The following RANBP17 variants were observed in gnomAD, a reference collection of about 807,000 sequenced individuals.
RANBP17 encodes ran-binding protein 17.
RANBP17 carries 158 observed loss-of-function variants against 141.2 expected under a neutral mutation model. The ratio of observed to expected loss-of-function variants is 1.12; its 90% CI spans 0.98 to 1.28. The LOEUF (loss-of-function observed/expected upper bound fraction) is 1.28. Ranked by LOEUF, RANBP17 falls within the 50% of genes most tolerant of loss-of-function variation. The pLI is 0.00. For missense variants in RANBP17, 1,438 were observed against 1,290.7 expected, an observed-to-expected ratio of 1.11 and a Z score of -1.75; for synonymous variants, 430 against 450.0, an observed-to-expected ratio of 0.96 and a Z score of 0.56.
chr5:170,884,284 C>T (rs1482824266), intron 3 of RANBP17, among the ~76,000 whole-genome samples: 1 of 152,104 alleles, frequency 6.6e-6, no homozygotes, highest in African/African-American at 2.4e-5. Context: ...ACCCCCTGCG[C>T]AATCAAAAAG....
At chr5:171,191,391 A>G (rs1480826573) in intron 18 of RANBP17, among the ~76,000 whole-genome samples, 3 of 152,168 alleles carry the variant, frequency 2.0e-5, no homozygotes. Context: ...TATCTGTTAG[A>G]AAACTGAGGT....
At position 170,882,538 on chromosome 5, in the gene RANBP17, G is replaced by A. The variant is rs576590106; in HGVS notation, c.256+642G>A. On this transcript the variant is annotated intron_variant, in intron 3 of 27. Coordinates refer to ENST00000523189, the MANE Select transcript of RANBP17 (RefSeq NM_022897.5). ...TGCAGACAGGCTCTGTCACGTGCCC[G>A]AGATCACACAACTAGAAAGTAGTAG... Among the ~76,000 whole-genome samples the A allele has an allele frequency of 6.6e-5, 10 of 150,762 alleles. No homozygotes were observed. The South Asian group carries it at 1.1e-3, about 16-fold the overall frequency.
chr5:171,128,529 C>T (rs1446222036), intron 14 of RANBP17, among the ~76,000 whole-genome samples: 3 of 152,022 alleles, frequency 2.0e-5, no homozygotes, highest in East Asian at 3.9e-4. Context: ...ATGGGATGAA[C>T]CCTCAGAGGG....
chr5:171,041,380 C>CA (rs1727106420), intron 14 of RANBP17, among the ~76,000 whole-genome samples: 1 of 152,060 alleles, frequency 6.6e-6, no homozygotes, highest in African/African-American at 2.4e-5. Context: ...CTACCACCAC[C>CA]AACTTGTGAT....
In RANBP17 at chr5:171,243,820, TC is replaced by T. The variant is rs531517182; in HGVS notation, c.2776+1003del. 3.4e-3 allele frequency among the ~76,000 whole-genome samples: 517 copies of T among 152,228 alleles called. 2 individuals are homozygous for T. The highest frequency in any genetic ancestry group is 5.2e-3 in the Non-Finnish European group (352 of 67,990). Reference sequence around the variant, plus strand: ...CTGGGCGCGGTGGCTCAGCCTGTAATCCCAGCACTTTGGGAGGCTGAGGCGG... The same window carrying T: ...CTGGGCGCGGTGGCTCAGCCTGTAATCCAGCACTTTGGGAGGCTGAGGCGG... On this transcript the variant is annotated intron_variant, in intron 24 of 27. Transcript: ENST00000523189.
intron 1 of RANBP17, among the ~76,000 whole-genome samples, chr5:170,862,829 A>G (rs1766925994): frequency 6.6e-6 from 1 of 152,218 alleles, no homozygotes; most frequent in Admixed American, 6.5e-5. Flanking sequence ...ATAAAGGATG[A>G]CATCTTACTA....
intron 1 of RANBP17, among the ~76,000 whole-genome samples, chr5:170,866,285 G>C (rs944644291): frequency 2.1e-5 from 3 of 144,378 alleles, no homozygotes; most frequent in Non-Finnish European, 4.4e-5. Context: ...TTACTATACA[G>C]GAGGTACAAA....
At chr5:170,899,999 A>G (rs1052956836) in intron 5 of RANBP17, among the ~76,000 whole-genome samples, 2 of 152,136 alleles carry the variant, frequency 1.3e-5, no homozygotes, top group African/African-American at 4.8e-5. Flanking sequence ...TGTCTCTGCC[A>G]GGATTTGGTA....
rs568755316 is a variant in RANBP17 at position 171,213,807 on chromosome 5, C to G, written c.2339+69C>G. 7.8e-5 allele frequency: 96 copies of G among 1,223,196 alleles called. No individual in the cohort carries two copies. The African/African-American group carries it at 1.3e-3, about 16-fold the overall frequency. 75.8% of individuals were successfully genotyped at this position (1,223,196 alleles called of 1,614,324 possible). On this transcript the variant is annotated intron_variant, in intron 21 of 27. Coordinates refer to ENST00000523189, the MANE Select transcript of RANBP17 (RefSeq NM_022897.5). ...CGGAAATCTCCAACAGTCAGACTTT[C>G]TTTTTTGGTTTGTGTCTTTCCAAGG...
chr5:171,202,811 C>T (rs1445231650), intron 19 of RANBP17, among the ~76,000 whole-genome samples: 2 of 152,120 alleles, frequency 1.3e-5, no homozygotes, highest in Admixed American at 6.5e-5. Context: ...AAAGACAAAG[C>T]ACAATGACCC....
chr5:171,185,472 C>G (rs899322307), intron 18 of RANBP17, among the ~76,000 whole-genome samples: 4 of 152,240 alleles, frequency 2.6e-5, no homozygotes, highest in African/African-American at 4.8e-5. Context: ...CTCTCAAACT[C>G]TGCTGCCACT....
At chr5:171,001,038 C>T (rs1194511706) in intron 14 of RANBP17, among the ~76,000 whole-genome samples, 2 of 152,242 alleles carry the variant, frequency 1.3e-5, no homozygotes, top group Admixed American at 6.5e-5. Flanking sequence ...GCCTGACATT[C>T]CTGTCTTCTT....
chr5:171,052,744 TTC>T (rs772087557), intron 14 of RANBP17, among the ~76,000 whole-genome samples: 115 of 152,358 alleles, frequency 7.5e-4, no homozygotes, highest in Admixed American at 1.8e-3. Context: ...GATTTTCTGT[TTC>T]TACAAAAATG....
At chr5:171,295,457 A>C (rs898390808) in intron 26 of RANBP17, among the ~76,000 whole-genome samples, 25 of 152,198 alleles carry the variant, frequency 1.6e-4, no homozygotes, top group African/African-American at 5.5e-4. Flanking sequence ...AGGAAAGATG[A>C]TAAGGCCTGA....
intron 16 of RANBP17, among the ~76,000 whole-genome samples, chr5:171,171,543 C>A (rs1760099797): frequency 6.6e-6 from 1 of 151,898 alleles, no homozygotes; most frequent in African/African-American, 2.4e-5. Flanking sequence ...TTTATACTCA[C>A]CCAGGCTAAT....
At chr5:171,011,152 A>G (rs1254119300) in intron 14 of RANBP17, among the ~76,000 whole-genome samples, 1 of 152,122 alleles carries the variant, frequency 6.6e-6, no homozygotes. Flanking sequence ...AAAATTCCCA[A>G]TAATTTTAAA....
rs971728984 is a variant in RANBP17, at chr5:170,987,269, A to AT, written c.1710+18899dup. On this transcript the variant is annotated intron_variant, in intron 14 of 27. Transcript: ENST00000523189. ...AGAATAATGCTTAGTGACTTTAGGG[A>AT]TTTTTTTCTGTTAAGTGTTTTAAAG... Among the ~76,000 whole-genome samples the AT allele has an allele frequency of 6.6e-5, 10 of 151,648 alleles. No individual in the cohort carries two copies. In the East Asian group the frequency reaches 9.7e-4, roughly 15 times the overall value.
chr5:171,151,937 G>A (rs1474223140), intron 14 of RANBP17, among the ~76,000 whole-genome samples: 1 of 152,170 alleles, frequency 6.6e-6, no homozygotes, highest in Non-Finnish European at 1.5e-5. Flanking sequence ...ACTCTTGGGA[G>A]CAGATGAACT....
chr5:171,278,011 CA>C (rs1382080992), intron 25 of RANBP17, among the ~76,000 whole-genome samples: 3 of 131,382 alleles, frequency 2.3e-5, no homozygotes, highest in Non-Finnish European at 4.6e-5. Flanking sequence ...ACATTTGACC[CA>C]AGCTGGCTCA....
Sources: gnomAD v4.1 joint callset for allele counts (sites outside exome capture counted in the v4.1 genomes callset) on GRCh38, gnomAD v4.1.1 for gene constraint, MANE v1.5 for transcripts, NCBI Gene and HGNC (gene_info 2026-07-23, HGNC 2026-07-21) for gene names.